Variants in WASHC2A observed in about 807,000 individuals in gnomAD.
The protein encoded by WASHC2A is WASH complex subunit FAM21A.
In WASHC2A, 82 loss-of-function variants were observed where a neutral mutation model predicts 140.3. That is an observed-to-expected ratio of 0.58 (90% CI 0.49 to 0.70). The LOEUF (loss-of-function observed/expected upper bound fraction) is 0.70, where lower values mean the gene tolerates loss of function less well. WASHC2A is among the 30% of genes least tolerant of loss of function. The pLI is 0.00. For synonymous variants in WASHC2A, 340 were observed against 560.8 expected, an observed-to-expected ratio of 0.61 and a Z score of 5.56; for missense variants, 985 against 1,521.8, an observed-to-expected ratio of 0.65 and a Z score of 5.87.
chr10:50,076,940 C>T (rs1186193984), intron 3 of WASHC2A, among the ~76,000 whole-genome samples: 15 of 151,288 alleles, frequency 9.9e-5, no homozygotes, highest in African/African-American at 3.2e-4. Context: ...TGGTGAAACC[C>T]CATCTCTACT....
Position 50,069,652 on chromosome 10 carries a change from C to T in WASHC2A, c.232C>T (p.Arg78Cys), listed in dbSNP as rs782557264. ...TCGGGAAACCAAAGCCACAGATTGTCGCCTGCATAATGTCTTCAATGACTT... is the reference window on the plus strand; with the variant it reads ...TCGGGAAACCAAAGCCACAGATTGTTGCCTGCATAATGTCTTCAATGACTT... ...LIRETKATDC[R>C]LHNVFNDFLM... is the part of the protein sequence containing the mutation. The change falls in exon 3 of 31, where the codon CGC becomes TGC. Residue 78 changes from arginine (R) to cysteine (C), a missense_variant. By Grantham distance (180) the Arg-to-Cys change is radical (BLOSUM62 -3). Coordinates refer to ENST00000282633, the MANE Select transcript of WASHC2A (RefSeq NM_001005751.3). 1.2e-5 allele frequency: 19 copies of T among 1,613,966 alleles called. No homozygotes were observed. Among genetic ancestry groups the T allele is most frequent in the African/African-American group, 2.7e-5 (2 of 75,040 alleles).
rs1358500464 is a variant in WASHC2A, at chr10:50,083,297, G to T, written c.529-775G>T. Among the ~76,000 whole-genome samples, 2 of 116,838 alleles carry T rather than the reference G, an allele frequency of 1.7e-5. 1 individual carries two copies. The highest frequency in any genetic ancestry group is 7.2e-5 in the African/African-American group (2 of 27,938). The allele number at this position is 116,838 out of a possible 152,430, so 76.7% of individuals were successfully genotyped here. A position where few individuals can be genotyped will look rare whatever the true frequency, so the allele number is the denominator to read the frequency against. ...TTACAGGCATGAGCCACTGTGCCCG[G>T]CCTAATCTATTTTTATATTAAAATA... On this transcript the variant is annotated intron_variant, in intron 5 of 30. Coordinates refer to ENST00000282633, the MANE Select transcript of WASHC2A (RefSeq NM_001005751.3).
rs1840424016 is a variant in WASHC2A at position 50,095,632 on chromosome 10, C to T, written c.1274C>T (p.Pro425Leu). 1.2e-6 allele frequency: 2 copies of T among 1,611,740 alleles called. No homozygotes were observed. Among genetic ancestry groups the T allele is most frequent in the Non-Finnish European group, 1.7e-6 (2 of 1,179,850 alleles). ...GATGTGTTTGGTGCTGCCTCCGTTC[C>T]ATCAATGAAGGAGCCACAGAAGCCT... ...DTDVFGAASVPSMKEPQKPEQ... is the reference protein window; with the variant it reads ...DTDVFGAASVLSMKEPQKPEQ... The change falls in exon 15 of 31, where the codon CCA (proline) becomes CTA (leucine). Residue 425 changes from proline to leucine, a missense_variant. By Grantham distance (98) the Pro-to-Leu change is moderately conservative. Coordinates refer to ENST00000282633, the MANE Select transcript of WASHC2A (RefSeq NM_001005751.3).
intron 23 of WASHC2A, among the ~76,000 whole-genome samples, chr10:50,120,901 TG>T (rs1842965723): frequency 6.9e-6 from 1 of 144,266 alleles, no homozygotes; most frequent in South Asian, 2.2e-4. Context: ...AAAAGGCGCA[TG>T]ATCATCTCAA....
At position 50,068,178 on chromosome 10, in the gene WASHC2A, A is replaced by T; in HGVS notation, c.77A>T (p.Glu26Val). The change falls in exon 2 of 31, where the codon GAG becomes GTG. Residue 26 changes from glutamate to valine, a missense_variant. Coordinates refer to ENST00000282633, the MANE Select transcript of WASHC2A (RefSeq NM_001005751.3). The part of the protein sequence containing the change: ...EPVWERPWSV[E>V]EIRRSSQSWS... ...GTGTGGGAGCGGCCGTGGTCGGTGGAGGAGATCCGCAGGAGCAGCCAGAGC... is the reference window on the plus strand; with the variant it reads ...GTGTGGGAGCGGCCGTGGTCGGTGGTGGAGATCCGCAGGAGCAGCCAGAGC... 1 of 1,598,576 alleles carries T rather than the reference A, an allele frequency of 6.3e-7. No homozygotes were observed. Among genetic ancestry groups the T allele is most frequent in the East Asian group, 2.2e-5 (1 of 44,726 alleles).
intron 27 of WASHC2A, 24 bp from the exon 28 acceptor site, chr10:50,127,559 C>G: frequency 1.3e-6 from 2 of 1,583,656 alleles, no homozygotes; most frequent in South Asian, 2.2e-5. Context: ...AGAACAAATA[C>G]AGAGTTTCAT....
intron 19 of WASHC2A, 125 bp downstream of exon 19, chr10:50,106,590 C>G: frequency 6.9e-7 from 1 of 1,445,616 alleles, no homozygotes. Context: ...GCGATGTTCA[C>G]AAGATTGTCT....
chr10:50,110,848 G>T (rs2132876114), intron 20 of WASHC2A, among the ~76,000 whole-genome samples: 1 of 137,480 alleles, frequency 7.3e-6, no homozygotes, highest in African/African-American at 2.7e-5. Context: ...AGCTGAGATG[G>T]CACCACTGCA....
intron 28 of WASHC2A, among the ~76,000 whole-genome samples, chr10:50,128,530 C>T (rs1397196496): frequency 6.6e-6 from 1 of 152,190 alleles, no homozygotes; most frequent in Non-Finnish European, 1.5e-5. Flanking sequence ...AAAGCTTTAG[C>T]TGATTTCCAA....
Position 50,129,655 on chromosome 10 carries a change from G to A in WASHC2A, c.3324G>A (p.Val1108=), listed in dbSNP as rs1364310499. The part of the protein sequence containing the change: ...AAAAPWEGGP[V]PGVDRSPFAK... ...CTGCACCTTGGGAAGGTGGTCCTGTGCCTGGAGTGGACAGAAGCCCCTTTG... is the reference window on the plus strand; with the variant it reads ...CTGCACCTTGGGAAGGTGGTCCTGTACCTGGAGTGGACAGAAGCCCCTTTG... Residue 1108 remains valine, a synonymous_variant, in exon 29 of 31, where the codon GTG becomes GTA. Transcript: ENST00000282633. 20 of 1,612,102 alleles carry A rather than the reference G, an allele frequency of 1.2e-5. No individual in the cohort carries two copies. Among genetic ancestry groups the A allele is most frequent in the Admixed American group, 8.3e-5 (5 of 60,028 alleles).
At chr10:50,088,947 GT>G (rs1173688445) in intron 8 of WASHC2A, among the ~76,000 whole-genome samples, 2 of 70,050 alleles carry the variant, frequency 2.9e-5, no homozygotes, top group African/African-American at 5.4e-5. Flanking sequence ...AATGCAAACA[GT>G]TTTTCTTTCC....
At chr10:50,095,549 C>G (rs1840403329) in intron 14 of WASHC2A, 50 bp from the exon 15 acceptor site, 1 of 1,607,730 alleles carries the variant, frequency 6.2e-7, no homozygotes, top group Non-Finnish European at 8.5e-7. Flanking sequence ...GTAAATTCAA[C>G]CGGCCCACAC....
intron 3 of WASHC2A, among the ~76,000 whole-genome samples, chr10:50,077,067 A>G (rs1838410566): frequency 6.6e-6 from 1 of 150,940 alleles, no homozygotes; most frequent in Non-Finnish European, 1.5e-5. Context: ...CAGTGAGCCG[A>G]GATCGCACCA....
chr10:50,109,470 CCTT>C (rs1289880202), intron 19 of WASHC2A, among the ~76,000 whole-genome samples: 1 of 152,048 alleles, frequency 6.6e-6, no homozygotes, highest in Non-Finnish European at 1.5e-5. Flanking sequence ...CATTTGGCTT[CCTT>C]CTTATAGCCT....
rs1163014825 is a variant in WASHC2A, at chr10:50,078,749, A to C, written c.354+12A>C. 7 of 1,611,872 alleles carry C rather than the reference A, an allele frequency of 4.3e-6. No homozygotes were observed. Among genetic ancestry groups the C allele is most frequent in the Non-Finnish European group, 4.2e-6 (5 of 1,179,872 alleles). On this transcript the variant is annotated intron_variant, in intron 4 of 30. Coordinates refer to ENST00000282633, the MANE Select transcript of WASHC2A (RefSeq NM_001005751.3). ...AAAAAACAGAGCAGGTACTTGTATA[A>C]AATCACTCTTAGCTGAGTTTCTGAC...
intron 18 of WASHC2A, among the ~76,000 whole-genome samples, chr10:50,105,008 A>C (rs1438977848): frequency 1.3e-5 from 2 of 151,502 alleles, no homozygotes; most frequent in Non-Finnish European, 2.9e-5. Flanking sequence ...GTCCAAAAAA[A>C]TTTTCAACAT....
At position 50,133,049 on chromosome 10, in the gene WASHC2A, G is replaced by T; in HGVS notation, c.*104G>T. ...ACTGGATTACAAAAAGCAAATACTA[G>T]AACAGCTAGCTCATCGTTCACCCAA... On this transcript the variant is annotated 3_prime_UTR_variant, in exon 31 of 31. Coordinates refer to ENST00000282633, the MANE Select transcript of WASHC2A (RefSeq NM_001005751.3). 2 of 1,599,022 alleles carry T rather than the reference G, an allele frequency of 1.3e-6. No homozygotes were observed. The highest frequency in any genetic ancestry group is 1.1e-5 in the South Asian group (1 of 88,766).
rs1390849966 is a variant in WASHC2A, at chr10:50,083,925, T to A, written c.529-147T>A. ...TCAGTGAAAAAAAGAATTTTTTTTT[T>A]AACTTTTAGTCCTGCTGTGTTTCTT... On this transcript the variant is annotated intron_variant, in intron 5 of 30. Coordinates refer to ENST00000282633, the MANE Select transcript of WASHC2A (RefSeq NM_001005751.3). 2.3e-4 allele frequency: 173 copies of A among 765,268 alleles called. 4 individuals carry two copies. The highest frequency in any genetic ancestry group is 2.9e-4 in the Admixed American group (9 of 31,384). 47.4% of individuals were successfully genotyped at this position (765,268 alleles called of 1,614,324 possible).
In WASHC2A at chr10:50,090,893, A is replaced by G. The variant is rs1839869031; in HGVS notation, c.843+7A>G. 2 of 1,610,578 alleles carry G rather than the reference A, an allele frequency of 1.2e-6. No individual in the cohort carries two copies. The highest frequency in any genetic ancestry group is 1.7e-6 in the Non-Finnish European group (2 of 1,179,286). On this transcript the variant is annotated splice_region_variant and intron_variant, in intron 9 of 30. Coordinates refer to ENST00000282633, the MANE Select transcript of WASHC2A (RefSeq NM_001005751.3). Reference sequence around the variant, plus strand: ...TGAAGAAAATACTAGACCTGTAAGGAAGGCTGTAGTTGCTATCACTTGGCA... The same window carrying G: ...TGAAGAAAATACTAGACCTGTAAGGGAGGCTGTAGTTGCTATCACTTGGCA...
Sources: allele counts gnomAD v4.1 joint callset (sites outside exome capture counted in the v4.1 genomes callset), GRCh38; gene constraint gnomAD v4.1.1; transcripts MANE v1.5; gene names NCBI Gene and HGNC (gene_info 2026-07-23, HGNC 2026-07-21).